CTNNA3: variants seen among roughly 807,000 people sequenced by gnomAD.
CTNNA3 encodes the protein catenin alpha-3.
In CTNNA3, 76 loss-of-function variants were observed where a neutral mutation model predicts 95.7. That is an observed-to-expected ratio of 0.79 (90% CI 0.66 to 0.96). The LOEUF (loss-of-function observed/expected upper bound fraction) is 0.96. Among genes scored for constraint, CTNNA3 ranks in the 40% least tolerant of loss-of-function variants. The pLI is 0.00. For synonymous variants in CTNNA3, 431 were observed against 374.4 expected (o/e 1.15, Z -1.74); for missense variants, 1,191 against 1,089.8 (o/e 1.09, Z -1.31).
chr10:67,168,561 G>T (rs1258082808), intron 7 of CTNNA3, among the ~76,000 whole-genome samples: 1 of 152,060 alleles, frequency 6.6e-6, no homozygotes, highest in Non-Finnish European at 1.5e-5. Context: ...CACAGAAAAG[G>T]CTTTTGATAA....
intron 7 of CTNNA3, among the ~76,000 whole-genome samples, chr10:66,998,488 A>G (rs1851486504): frequency 6.6e-6 from 1 of 152,176 alleles, no homozygotes; most frequent in African/African-American, 2.4e-5. Context: ...TTATATTTTT[A>G]TGCTTTTTGC....
intron 13 of CTNNA3, among the ~76,000 whole-genome samples, chr10:66,196,556 C>T (rs1183827486): frequency 1.3e-5 from 2 of 152,184 alleles, no homozygotes; most frequent in Non-Finnish European, 2.9e-5. Context: ...CCCTCCCTTA[C>T]TGATTCACAT....
intron 7 of CTNNA3, among the ~76,000 whole-genome samples, chr10:66,811,569 C>T (rs192482897): frequency 1.5e-3 from 231 of 152,244 alleles, no homozygotes; most frequent in Admixed American, 6.5e-3. Context: ...TAGAATTAGT[C>T]TGGACATAGC....
At chr10:66,294,159 T>A (rs961515333) in intron 12 of CTNNA3, among the ~76,000 whole-genome samples, 4 of 152,192 alleles carry the variant, frequency 2.6e-5, no homozygotes, top group Non-Finnish European at 5.9e-5. Context: ...AAATGAATCA[T>A]CTCTATCAAG....
At chr10:66,525,820 C>G (rs750163802) in intron 10 of CTNNA3, among the ~76,000 whole-genome samples, 1 of 152,130 alleles carries the variant, frequency 6.6e-6, no homozygotes, top group Non-Finnish European at 1.5e-5. Context: ...CTTCCTTCCC[C>G]CTAGTACCTA....
intron 4 of CTNNA3, among the ~76,000 whole-genome samples, chr10:67,522,336 G>A (rs913448172): frequency 2.0e-5 from 3 of 152,108 alleles, no homozygotes; most frequent in African/African-American, 7.2e-5. Context: ...ATTAAAGAGT[G>A]CTCACATTTC....
intron 1 of CTNNA3, among the ~76,000 whole-genome samples, chr10:67,720,567 C>T (rs1841174247): frequency 6.6e-6 from 1 of 152,088 alleles, no homozygotes; most frequent in African/African-American, 2.4e-5. Context: ...CAAAATCTCT[C>T]AGCATTTGCT....
chr10:67,564,524 G>A (rs1030660125), intron 3 of CTNNA3, among the ~76,000 whole-genome samples: 2 of 141,482 alleles, frequency 1.4e-5, no homozygotes, highest in Non-Finnish European at 3.1e-5. Flanking sequence ...GGATAGCACT[G>A]GGAGATATAC....
At chr10:67,321,034 T>A (rs1428628363) in intron 5 of CTNNA3, among the ~76,000 whole-genome samples, 1 of 152,210 alleles carries the variant, frequency 6.6e-6, no homozygotes, top group Non-Finnish European at 1.5e-5. Context: ...ACACAACGCT[T>A]TTGGTTCCAT....
At chr10:66,387,543 C>T (rs1419904891) in intron 11 of CTNNA3, among the ~76,000 whole-genome samples, 1 of 152,086 alleles carries the variant, frequency 6.6e-6, no homozygotes, top group Admixed American at 6.6e-5. Flanking sequence ...GTGGCGATTC[C>T]TCAAGGATCT....
chr10:66,225,408 T>TATATATATATATATTTCATTC, intron 13 of CTNNA3, among the ~76,000 whole-genome samples: 1 of 146,300 alleles, frequency 6.8e-6, no homozygotes, highest in African/African-American at 2.5e-5. Context: ...TATATATATA[T>TATATATATATATATTTCATTC]ATATATATAT....
chr10:66,488,459 C>A (rs1410190918), intron 11 of CTNNA3, among the ~76,000 whole-genome samples: 2 of 152,100 alleles, frequency 1.3e-5, no homozygotes, highest in Non-Finnish European at 2.9e-5. Flanking sequence ...CCAATGAAAA[C>A]CCACTTCTTT....
intron 5 of CTNNA3, among the ~76,000 whole-genome samples, chr10:67,290,781 G>A (rs1190609108): frequency 1.3e-5 from 2 of 152,108 alleles, no homozygotes; most frequent in African/African-American, 4.8e-5. Context: ...AATATGTAGA[G>A]CAAATGGCTA....
At chr10:65,920,733 G>C in intron 17 of CTNNA3, 116 bp from the exon 18 acceptor site, 1 of 1,136,958 alleles carries the variant, frequency 8.8e-7, no homozygotes, top group East Asian at 2.5e-5. Flanking sequence ...GGCTGAGGAG[G>C]GAGGATCACT....
At chr10:66,055,618 T>C (rs1368915154) in intron 15 of CTNNA3, among the ~76,000 whole-genome samples, 1 of 152,170 alleles carries the variant, frequency 6.6e-6, no homozygotes, top group East Asian at 1.9e-4. Context: ...GGGATAGTCT[T>C]TAGTTTTTTT....
chr10:66,844,592 C>G (rs1367503302), intron 7 of CTNNA3, among the ~76,000 whole-genome samples: 1 of 152,108 alleles, frequency 6.6e-6, no homozygotes, highest in African/African-American at 2.4e-5. Flanking sequence ...ATTAGCTAGT[C>G]CTTTGTGGAA....
chr10:67,138,657 C>G (rs1312218634), intron 7 of CTNNA3, among the ~76,000 whole-genome samples: 1 of 152,154 alleles, frequency 6.6e-6, no homozygotes, highest in Non-Finnish European at 1.5e-5. Flanking sequence ...AAAATTATTC[C>G]TTTCAACCAG....
At chr10:66,521,234 C>G (rs947555740) in intron 10 of CTNNA3, among the ~76,000 whole-genome samples, 1 of 151,794 alleles carries the variant, frequency 6.6e-6, no homozygotes, top group Non-Finnish European at 1.5e-5. Context: ...TTTTCCTACT[C>G]CCTCTATTAT....
intron 7 of CTNNA3, among the ~76,000 whole-genome samples, chr10:66,972,899 A>G (rs1849807357): frequency 1.3e-5 from 2 of 151,680 alleles, no homozygotes; most frequent in African/African-American, 4.9e-5. Flanking sequence ...TTTAGTAGAG[A>G]TGGGGTTTCA....
Sources: allele counts gnomAD v4.1 joint callset (sites outside exome capture counted in the v4.1 genomes callset), GRCh38; gene constraint gnomAD v4.1.1; transcripts MANE v1.5; gene names NCBI Gene and HGNC (gene_info 2026-07-23, HGNC 2026-07-21).